The following EPB41L1 variants were observed in gnomAD, a reference collection of about 807,000 sequenced individuals.
EPB41L1 encodes the protein band 4.1-like protein 1.
Under a neutral mutation model 97.8 loss-of-function variants are expected in EPB41L1, and 29 were observed. The ratio of observed to expected loss-of-function variants is 0.30; its 90% CI spans 0.22 to 0.40. EPB41L1 has a LOEUF of 0.40. EPB41L1 is among the 10% of genes least tolerant of loss of function. The pLI, the probability that EPB41L1 is intolerant of heterozygous loss-of-function variation, is 1.00. For missense variants in EPB41L1, 812 were observed against 1,162.3 expected, an observed-to-expected ratio of 0.70 and a Z score of 4.38; for synonymous variants, 383 against 459.2, an observed-to-expected ratio of 0.83 and a Z score of 2.12.
intron 2 of EPB41L1, among the ~76,000 whole-genome samples, chr20:36,147,572 A>C (rs949314773): frequency 6.6e-6 from 1 of 152,238 alleles, no homozygotes; most frequent in Non-Finnish European, 1.5e-5. Flanking sequence ...AGGTGGATCT[A>C]TAATGTCTGC....
rs1355772293 is a variant in EPB41L1, at chr20:36,207,494, T to G, written c.1669-1994T>G. On this transcript the variant is annotated intron_variant, in intron 14 of 21. Transcript: ENST00000338074. This position sits in a 1 kb window ranked among gnomAD's most constrained non-coding sequence, Gnocchi z 4.9. ...ACCCACGGAGCTGAAACTCGCCGAA[T>G]GAGTGAGGGTGAAGCAAGGTCCCTT... 1 of 1,289,830 alleles carries G rather than the reference T, an allele frequency of 7.8e-7. No individual in the cohort carries two copies. The highest frequency in any genetic ancestry group is 1.0e-6 in the Non-Finnish European group (1 of 988,880). The allele number at this position is 1,289,830 out of a possible 1,614,324, so 79.9% of individuals were successfully genotyped here.
chr20:36,175,511 A>T, intron 2 of EPB41L1, 40 bp from the exon 3 acceptor site: 2 of 1,613,654 alleles, frequency 1.2e-6, no homozygotes, highest in Non-Finnish European at 1.7e-6. Flanking sequence ...CCATGGCTTA[A>T]AACTCACTGA....
At chr20:36,154,207 C>A (rs1342657738), upstream of EPB41L1, among the ~76,000 whole-genome samples, 1 of 152,128 alleles carries the variant, frequency 6.6e-6, no homozygotes, top group Admixed American at 6.5e-5. The surrounding 1 kb of genome is among the most constrained non-coding windows in gnomAD (Gnocchi z 5.5). Context: ...TCTGCCCTGT[C>A]GCTGTGCTGC....
rs1197918561 is a variant in EPB41L1, at chr20:36,188,393, T to A, written c.920T>A (p.Leu307Gln). Residue 307 changes from leucine (L) to glutamine (Q), a missense_variant, in exon 9 of 22, where the codon CTG becomes CAG. Physicochemically the swap from Leu to Gln is moderately radical, Grantham distance 113. This residue lies in a region of EPB41L1 where 230 missense variants were observed against 445.2 expected (regional missense o/e 0.52). Coordinates refer to ENST00000338074, the MANE Select transcript of EPB41L1 (RefSeq NM_012156.2). ...ATGTTAGGCGTTTGTGCCAATGGCC[T>A]GCTCATCTACCGGGACCGGCTGAGA... Reference protein sequence around the residue: ...DIMLGVCANGLLIYRDRLRIN... With the variant: ...DIMLGVCANGQLIYRDRLRIN... 6.2e-7 allele frequency: 1 copy of A among 1,614,046 alleles called. No homozygotes were observed. The highest frequency in any genetic ancestry group is 8.5e-7 in the Non-Finnish European group (1 of 1,180,014).
chr20:36,228,473 G>A (rs1018623157), intron 21 of EPB41L1, among the ~76,000 whole-genome samples: 1 of 152,222 alleles, frequency 6.6e-6, no homozygotes, highest in African/African-American at 2.4e-5. Context: ...GGCTGAGGCA[G>A]AAGGATCACT....
chr20:36,163,529 C>A lies in EPB41L1; in HGVS notation c.-15+8633C>A, dbSNP rs188560122. 4.5e-4 allele frequency among the ~76,000 whole-genome samples: 68 copies of A among 152,316 alleles called. 2 individuals carry two copies. Among genetic ancestry groups the A allele is most frequent in the African/African-American group, 1.6e-3 (65 of 41,554 alleles). ...GGCTCCCCTTATCCTAAGTGAGCAT[C>A]AGGTGGTGGATCAGTCAGATTCTGA... On this transcript the variant is annotated intron_variant, in intron 1 of 21. Coordinates refer to ENST00000338074, the MANE Select transcript of EPB41L1 (RefSeq NM_012156.2).
At chr20:36,194,460 A>G (rs1291977012) in intron 12 of EPB41L1, 100 bp downstream of exon 12, 1 of 1,450,174 alleles carries the variant, frequency 6.9e-7, no homozygotes, top group East Asian at 2.5e-5. Flanking sequence ...AGCTGTGGCC[A>G]AGCACCCTTA....
Position 36,231,426 on chromosome 20 carries a change from G to A in EPB41L1, c.*2086G>A, listed in dbSNP as rs13037834. On this transcript the variant is annotated 3_prime_UTR_variant, in exon 22 of 22. Transcript: ENST00000338074. ...TGCCAGGGACTATTCTCAGGCTGAAGAAGGTGGGAGGGGAGGGCGGAACCT... is the reference window on the plus strand; with the variant it reads ...TGCCAGGGACTATTCTCAGGCTGAAAAAGGTGGGAGGGGAGGGCGGAACCT... The A allele has an allele frequency of 1.3e-5, 2 of 152,400 alleles. No homozygotes were observed. The highest frequency in any genetic ancestry group is 3.4e-3 in the Middle Eastern group (1 of 294). The allele number at this position is 152,400 out of a possible 1,614,324, so 9.4% of individuals were successfully genotyped here. A position where few individuals can be genotyped will look rare whatever the true frequency, so the allele number is the denominator to read the frequency against.
In EPB41L1 at chr20:36,228,714, C is replaced by G. The variant is rs573506716; in HGVS notation, c.2638-618C>G. 3.6e-3 allele frequency among the ~76,000 whole-genome samples: 543 copies of G among 152,260 alleles called. 1 individual carries two copies. The highest frequency in any genetic ancestry group is 3.2e-3 in the Non-Finnish European group (218 of 68,024). ...TAAACACTGAGTTTTGGAGCCAAAC[C>G]TGGAATCCAGACTTCATTTCTTTAT... On this transcript the variant is annotated intron_variant, in intron 21 of 21. Transcript: ENST00000338074.
chr20:36,222,738 T>G (rs1286132128), intron 21 of EPB41L1, among the ~76,000 whole-genome samples: 1 of 152,090 alleles, frequency 6.6e-6, no homozygotes, highest in African/African-American at 2.4e-5. Flanking sequence ...GTCCTCATTA[T>G]CTCCTTGGGC....
At chr20:36,175,514 C>T in intron 2 of EPB41L1, 37 bp from the exon 3 acceptor site, 1 of 1,613,754 alleles carries the variant, frequency 6.2e-7, no homozygotes, top group African/African-American at 1.3e-5. Context: ...TGGCTTAAAA[C>T]TCACTGAGCA....
chr20:36,104,549 G>T (rs944243757), intron 1 of EPB41L1, among the ~76,000 whole-genome samples: 5 of 152,168 alleles, frequency 3.3e-5, no homozygotes, highest in African/African-American at 1.2e-4. Context: ...GGCAGAGAGA[G>T]TGGGGACCAG....
At position 36,092,954 on chromosome 20, in the gene EPB41L1, G is replaced by A. The variant is rs1170414187; in HGVS notation, c.-65+1342G>A. 6.6e-6 allele frequency: 1 copy of A among 152,244 alleles called. No individual in the cohort carries two copies. The highest frequency in any genetic ancestry group is 1.5e-5 in the Non-Finnish European group (1 of 68,096). 9.4% of individuals were successfully genotyped at this position (152,244 alleles called of 1,614,324 possible). ...CTGACAGGCCGGCGGGCCGGCTCCAGGAGCCGCGGGCTTCGGTTCGTGTGT... is the reference window on the plus strand; with the variant it reads ...CTGACAGGCCGGCGGGCCGGCTCCAAGAGCCGCGGGCTTCGGTTCGTGTGT... On this transcript the variant is annotated intron_variant, in intron 1 of 19. Transcript: ENST00000202028. The surrounding 1 kb of genome is among the most constrained non-coding windows in gnomAD (Gnocchi z 7.0).
At chr20:36,177,291 G>A (rs986401308) in intron 3 of EPB41L1, among the ~76,000 whole-genome samples, 1 of 152,090 alleles carries the variant, frequency 6.6e-6, no homozygotes, top group African/African-American at 2.4e-5. Flanking sequence ...TCGGGTTCTC[G>A]GCTTCGTCAT....
intron 2 of EPB41L1, among the ~76,000 whole-genome samples, chr20:36,117,145 G>GA (rs2058611174): frequency 1.3e-5 from 2 of 152,138 alleles, no homozygotes; most frequent in African/African-American, 4.8e-5. Flanking sequence ...CTCCTCCTGT[G>GA]GCAGTGGCTC....
chr20:36,130,018 T>G (rs2059134113), intron 2 of EPB41L1, among the ~76,000 whole-genome samples: 1 of 150,672 alleles, frequency 6.6e-6, no homozygotes, highest in African/African-American at 2.4e-5. Flanking sequence ...CTCAGCTTAC[T>G]GCAACCTCCG....
chr20:36,130,250 T>G (rs1414848143), intron 2 of EPB41L1, among the ~76,000 whole-genome samples: 1 of 62,116 alleles, frequency 1.6e-5, no homozygotes, highest in East Asian at 3.5e-4. Flanking sequence ...CAGTGTTTTT[T>G]TTTTTGTTTT....
At chr20:36,162,251 A>G (rs186843555) in intron 1 of EPB41L1, among the ~76,000 whole-genome samples, 95 of 152,342 alleles carry the variant, frequency 6.2e-4, no homozygotes, top group Non-Finnish European at 2.4e-4. Context: ...GGTCCAAGCA[A>G]AATGATTATA....
chr20:36,219,803 G>A lies in EPB41L1; in HGVS notation c.2398G>A (p.Ala800Thr). The A allele has an allele frequency of 6.2e-7, 1 of 1,614,218 alleles. No homozygotes were observed. The highest frequency in any genetic ancestry group is 1.1e-5 in the South Asian group (1 of 91,082). ...DVLTSTYGAT[A>T]ETLSTSTTTH... is the part of the protein sequence containing the mutation. ...CCTCACCAGCACCTACGGCGCCACT[G>A]CGGAAACCCTCTCAACCTCCACCAC... The change falls in exon 19 of 22, where the codon GCG becomes ACG. Residue 800 changes from alanine to threonine, a missense_variant. Physicochemically the swap from Ala to Thr is moderately conservative, Grantham distance 58 (BLOSUM62 0). Transcript: ENST00000338074.
Sources: allele counts gnomAD v4.1 joint callset (sites outside exome capture counted in the v4.1 genomes callset), GRCh38; gene constraint gnomAD v4.1.1; regional missense constraint gnomAD v4.1.1; non-coding constraint Gnocchi (gnomAD v3.1); transcripts MANE v1.5; gene names NCBI Gene and HGNC (gene_info 2026-07-23, HGNC 2026-07-21).